Variants in ENOPH1 observed in about 807,000 individuals in gnomAD.
ENOPH1 encodes the protein enolase-phosphatase 1, also known as enolase-phosphatase E1.
Under a neutral mutation model 31.1 loss-of-function variants are expected in ENOPH1, and 14 were observed. The ratio of observed to expected loss-of-function variants is 0.45; its 90% confidence interval spans 0.30 to 0.70. The LOEUF is 0.70. ENOPH1 is among the 30% of genes least tolerant of loss of function. ENOPH1 has a pLI of 0.09. For missense variants in ENOPH1, 243 were observed against 321.5 expected, an observed-to-expected ratio of 0.76 and a Z score of 1.87; for synonymous variants, 127 against 123.2, an observed-to-expected ratio of 1.03 and a Z score of -0.21.
At chr4:82,445,388 C>G (rs553976457) in intron 1 of ENOPH1, among the ~76,000 whole-genome samples, 25 of 152,292 alleles carry the variant, frequency 1.6e-4, no homozygotes, top group Admixed American at 1.0e-3. Flanking sequence ...CATGTACATA[C>G]TTTTATGCAG....
intron 1 of ENOPH1, among the ~76,000 whole-genome samples, chr4:82,440,952 A>G (rs1722023328): frequency 6.6e-6 from 1 of 152,160 alleles, no homozygotes; most frequent in South Asian, 2.1e-4. Context: ...TCCTGAGACC[A>G]TGTGGCCCCA....
At chr4:82,439,714 A>T (rs1054691740) in intron 1 of ENOPH1, among the ~76,000 whole-genome samples, 3 of 152,244 alleles carry the variant, frequency 2.0e-5, no homozygotes, top group Non-Finnish European at 4.4e-5. Context: ...AAATGACATT[A>T]TCAGTAAGTT....
intron 1 of ENOPH1, among the ~76,000 whole-genome samples, chr4:82,435,704 T>C (rs1721888111): frequency 6.6e-6 from 1 of 152,174 alleles, no homozygotes; most frequent in South Asian, 2.1e-4. Flanking sequence ...CATTGAGAAG[T>C]GTAGGATGCG....
At position 82,430,844 on chromosome 4, in the gene ENOPH1, G is replaced by C. The variant is rs1171120151; in HGVS notation, c.15G>C (p.Ser5=). Residue 5 remains serine (S), a synonymous_variant, in exon 1 of 6, where the codon TCG becomes TCC. Coordinates refer to ENST00000273920, the MANE Select transcript of ENOPH1 (RefSeq NM_021204.5). ...CCGGTAGGGAAATGGTCGTGCTTTCGGTCCCCGCCGAAGTCACCGTGATCC... is the reference window on the plus strand; with the variant it reads ...CCGGTAGGGAAATGGTCGTGCTTTCCGTCCCCGCCGAAGTCACCGTGATCC... MVVL[S]VPAEVTVILL... The C allele has an allele frequency of 1.2e-6, 2 of 1,614,148 alleles. No individual in the cohort carries two copies. Among genetic ancestry groups the C allele is most frequent in the East Asian group, 4.5e-5 (2 of 44,872 alleles).
chr4:82,438,185 C>T (rs947397846), intron 1 of ENOPH1, among the ~76,000 whole-genome samples: 2 of 152,106 alleles, frequency 1.3e-5, no homozygotes, highest in Non-Finnish European at 2.9e-5. Flanking sequence ...AAAATTAGTT[C>T]GCCCTGATTA....
At chr4:82,435,824 G>T (rs1721890586) in intron 1 of ENOPH1, among the ~76,000 whole-genome samples, 1 of 152,090 alleles carries the variant, frequency 6.6e-6, no homozygotes, top group African/African-American at 2.4e-5. Context: ...CTGTAATAGG[G>T]TCTCTTTCCC....
chr4:82,441,215 A>G (rs1286827599), intron 1 of ENOPH1, among the ~76,000 whole-genome samples: 1 of 152,244 alleles, frequency 6.6e-6, no homozygotes, highest in Non-Finnish European at 1.5e-5. Context: ...ATGGACTTAC[A>G]GTTCCACATG....
intron 1 of ENOPH1, among the ~76,000 whole-genome samples, chr4:82,431,873 AT>A (rs1360194108): frequency 6.6e-6 from 1 of 151,242 alleles, no homozygotes; most frequent in Non-Finnish European, 1.5e-5. Flanking sequence ...TTTAAATTCT[AT>A]TTTAGTTTCC....
At chr4:82,458,893 G>C (rs1722569456) in intron 5 of ENOPH1, among the ~76,000 whole-genome samples, 1 of 152,090 alleles carries the variant, frequency 6.6e-6, no homozygotes, top group African/African-American at 2.4e-5. Flanking sequence ...CCTTTCACAG[G>C]CAGAACAGAA....
At chr4:82,437,185 TAATC>T (rs1255406477) in intron 1 of ENOPH1, among the ~76,000 whole-genome samples, 1 of 152,224 alleles carries the variant, frequency 6.6e-6, no homozygotes, top group Non-Finnish European at 1.5e-5. Context: ...CTTTCCAGCC[TAATC>T]AATCCTTCTT....
At chr4:82,435,630 T>G (rs1394824068) in intron 1 of ENOPH1, among the ~76,000 whole-genome samples, 1 of 152,252 alleles carries the variant, frequency 6.6e-6, no homozygotes, top group Non-Finnish European at 1.5e-5. Context: ...TAAAGTCTGA[T>G]AGTTATCTCC....
intron 2 of ENOPH1, 34 bp from the exon 3 acceptor site, chr4:82,451,009 A>C (rs1394790399): frequency 5.7e-6 from 9 of 1,587,030 alleles, no homozygotes; most frequent in Admixed American, 3.4e-5. Context: ...TTGAATAAGC[A>C]AAAAACAAAC....
intron 3 of ENOPH1, 34 bp from the exon 4 acceptor site, chr4:82,454,687 GT>G: frequency 6.2e-7 from 1 of 1,602,830 alleles, no homozygotes; most frequent in African/African-American, 1.3e-5. Context: ...TAGATGAGGT[GT>G]TCCTGTATTT....
At chr4:82,431,052 G>A (rs2110034042) in intron 1 of ENOPH1, 139 bp downstream of exon 1, 2 of 740,082 alleles carry the variant, frequency 2.7e-6, no homozygotes, top group East Asian at 2.8e-5. Context: ...GGGGAGGAAG[G>A]AGAGAAAGCC....
chr4:82,430,936 G>T (rs748038687), intron 1 of ENOPH1, 23 bp downstream of exon 1: 2 of 1,603,272 alleles, frequency 1.2e-6, no homozygotes, highest in Non-Finnish European at 1.7e-6. Flanking sequence ...AGGGAGCGGG[G>T]ATGTTACTTT....
intron 1 of ENOPH1, among the ~76,000 whole-genome samples, chr4:82,441,754 A>C (rs1435420095): frequency 1.3e-5 from 2 of 152,306 alleles, no homozygotes; most frequent in East Asian, 3.9e-4. Flanking sequence ...CGCCTGGGCA[A>C]CATAGTGAGA....
At chr4:82,459,943 G>T in intron 5 of ENOPH1, 38 bp from the exon 6 acceptor site, 1 of 1,602,474 alleles carries the variant, frequency 6.2e-7, no homozygotes, top group Admixed American at 1.7e-5. Flanking sequence ...TCATTTTTTG[G>T]TGTTTCTGAC....
At position 82,457,097 on chromosome 4, in the gene ENOPH1, A is replaced by C. The variant is rs899643958; in HGVS notation, c.646+59A>C. On this transcript the variant is annotated intron_variant, in intron 5 of 5. Transcript: ENST00000273920. The stretch of plus-strand genomic sequence containing the variant: ...GGATATGAACTGAGCCTGGCACTAC[A>C]AATACATTGCCTCTTTAAAGAAACT... 1.0e-5 allele frequency: 15 copies of C among 1,488,582 alleles called. 1 individual carries two copies. In the African/African-American group the frequency reaches 1.8e-4, roughly 18 times the overall value. 92.2% of individuals were successfully genotyped at this position (1,488,582 alleles called of 1,614,324 possible). A position where few individuals can be genotyped will look rare whatever the true frequency, so the allele number is the denominator to read the frequency against.
intron 1 of ENOPH1, among the ~76,000 whole-genome samples, chr4:82,442,954 C>T (rs1578096391): frequency 6.6e-6 from 1 of 151,984 alleles, no homozygotes; most frequent in South Asian, 2.1e-4. Flanking sequence ...ATTACAGGCG[C>T]GAGCCACCAC....
Sources: gnomAD v4.1 joint callset for allele counts (sites outside exome capture counted in the v4.1 genomes callset) on GRCh38, gnomAD v4.1.1 for gene constraint, MANE v1.5 for transcripts, NCBI Gene and HGNC (gene_info 2026-07-23, HGNC 2026-07-21) for gene names.